CDH2: variants seen among roughly 807,000 people sequenced by gnomAD.
CDH2 encodes cadherin-2.
Under a neutral mutation model 92.0 loss-of-function variants are expected in CDH2, and 17 were observed. That is an observed-to-expected ratio of 0.18 (90% CI 0.13 to 0.28). The LOEUF is 0.28. CDH2 is among the 10% of genes least tolerant of loss of function. The probability of loss-of-function intolerance (pLI) is 1.00; values close to 1 mark genes in which losing one functional copy is unlikely to be tolerated. For missense variants in CDH2, 862 were observed against 1,133.1 expected, an observed-to-expected ratio of 0.76 and a Z score of 3.44; for synonymous variants, 419 against 415.9, an observed-to-expected ratio of 1.01 and a Z score of -0.09.
At position 28,175,906 on chromosome 18, in the gene CDH2, C is replaced by A. The variant is rs575360784; in HGVS notation, c.60+1057G>T. On this transcript the variant is annotated intron_variant, in intron 1 of 15. Transcript: ENST00000269141. ...GGCGGAGACCGACTTGGGACCAGGG[C>A]ACTGCACCCGCCCAGCTAGAGGGTC... Among the ~76,000 whole-genome samples, 703 of 152,302 alleles carry A rather than the reference C, an allele frequency of 4.6e-3. 6 individuals carry two copies. Among genetic ancestry groups the A allele is most frequent in the African/African-American group, 0.015 (643 of 41,582 alleles).
chr18:28,000,230 G>C (rs1479182036), intron 7 of CDH2, among the ~76,000 whole-genome samples: 1 of 152,058 alleles, frequency 6.6e-6, no homozygotes, highest in Non-Finnish European at 1.5e-5. Context: ...AGCCTCCCAA[G>C]TGGCTGGGAC....
intron 15 of CDH2, among the ~76,000 whole-genome samples, chr18:27,953,589 G>A (rs1224884004): frequency 6.6e-6 from 1 of 152,096 alleles, no homozygotes; most frequent in Non-Finnish European, 1.5e-5. Flanking sequence ...GGGTTTTTAT[G>A]AGCATGTGTT....
intron 2 of CDH2, among the ~76,000 whole-genome samples, chr18:28,135,251 C>T (rs1318351048): frequency 6.6e-6 from 1 of 152,158 alleles, no homozygotes; most frequent in Admixed American, 6.5e-5. Context: ...GGTAAAGTGT[C>T]TCTTACAAAT....
chr18:28,112,858 G>C (rs1469876934), intron 2 of CDH2, among the ~76,000 whole-genome samples: 3 of 152,126 alleles, frequency 2.0e-5, no homozygotes, highest in East Asian at 1.9e-4. Flanking sequence ...CTTTGCAAGA[G>C]TGTATCCTAA....
At chr18:27,969,165 C>A (rs2011599597) in intron 14 of CDH2, among the ~76,000 whole-genome samples, 1 of 152,154 alleles carries the variant, frequency 6.6e-6, no homozygotes, top group Non-Finnish European at 1.5e-5. Flanking sequence ...AGCCCCCCCA[C>A]CAACAAAAAA....
Position 28,003,106 on chromosome 18 carries a change from A to G in CDH2, c.911T>C (p.Leu304Ser). ...AGCCTGAGACACGATTCTGTACCTC[A>G]ACATCCCATTGAGGGCATTGGGATC... ...ADDPNALNGM[L>S]RYRIVSQAPS... Residue 304 changes from leucine (L) to serine (S), a missense_variant, in exon 7 of 16, where the codon TTG becomes TCG. Around this residue, in one of 5 missense-constraint regions of CDH2, gnomAD observed 564 missense variants for 722.2 expected, o/e 0.78. Transcript: ENST00000269141. 1.2e-6 allele frequency: 2 copies of G among 1,614,024 alleles called. No homozygotes were observed. Among genetic ancestry groups the G allele is most frequent in the Non-Finnish European group, 1.7e-6 (2 of 1,179,934 alleles).
intron 2 of CDH2, among the ~76,000 whole-genome samples, chr18:28,138,327 TTTAG>T: frequency 6.6e-6 from 1 of 152,088 alleles, no homozygotes; most frequent in Middle Eastern, 3.4e-3. Context: ...ACCCAGGAGT[TTTAG>T]TTAACCACAG....
chr18:28,138,409 A>G (rs534831673), intron 2 of CDH2, among the ~76,000 whole-genome samples: 1 of 152,218 alleles, frequency 6.6e-6, no homozygotes, highest in Admixed American at 6.5e-5. Flanking sequence ...CTGTACTAGA[A>G]GTCCCGCATC....
chr18:28,090,269 C>T (rs1377995787), intron 2 of CDH2, among the ~76,000 whole-genome samples: 2 of 152,140 alleles, frequency 1.3e-5, no homozygotes, highest in Non-Finnish European at 2.9e-5. Context: ...ATGTCTATTA[C>T]AGTAATCTCA....
At chr18:28,105,889 C>A (rs762773320) in intron 2 of CDH2, among the ~76,000 whole-genome samples, 1 of 152,150 alleles carries the variant, frequency 6.6e-6, no homozygotes, top group South Asian at 2.1e-4. Context: ...ATTTACCAGA[C>A]AAAAACCTCT....
At chr18:28,158,932 G>A (rs767230910) in intron 1 of CDH2, among the ~76,000 whole-genome samples, 1 of 152,102 alleles carries the variant, frequency 6.6e-6, no homozygotes, top group Admixed American at 6.6e-5. Context: ...CATACAAATT[G>A]TTATTTATGT....
chr18:28,121,950 C>T (rs559749398), intron 2 of CDH2, among the ~76,000 whole-genome samples: 7 of 152,066 alleles, frequency 4.6e-5, no homozygotes, highest in Non-Finnish European at 7.4e-5. Flanking sequence ...TGATTTCCTT[C>T]GGTAGAGAAA....
chr18:28,173,361 T>G (rs541250093), intron 1 of CDH2, among the ~76,000 whole-genome samples: 2 of 152,288 alleles, frequency 1.3e-5, no homozygotes, highest in South Asian at 4.1e-4. Context: ...CTGTGTCTAG[T>G]AAGTAAACTC....
At chr18:28,129,615 G>A (rs1378341804) in intron 2 of CDH2, among the ~76,000 whole-genome samples, 1 of 152,102 alleles carries the variant, frequency 6.6e-6, no homozygotes, top group African/African-American at 2.4e-5. Flanking sequence ...ATTGCTCCAG[G>A]CCAGGAGTTT....
intron 2 of CDH2, among the ~76,000 whole-genome samples, chr18:28,138,520 G>A (rs1364390544): frequency 2.0e-5 from 3 of 152,074 alleles, no homozygotes; most frequent in Non-Finnish European, 4.4e-5. Flanking sequence ...ATTTGAAAGA[G>A]AAGAGTAAAC....
rs539959712 is a variant in CDH2, at chr18:28,084,547, A to G, written c.172+63126T>C. On this transcript the variant is annotated intron_variant, in intron 2 of 15. Transcript: ENST00000269141. ...TAACACTGTTTCAAAGAAAGGGAAT[A>G]GTACTTGGAAGTAACATGCAGTGCA... 1.8e-4 allele frequency among the ~76,000 whole-genome samples: 28 copies of G among 152,074 alleles called. 1 individual carries two copies. The highest frequency in any genetic ancestry group is 1.0e-3 in the Admixed American group (16 of 15,244).
At chr18:27,934,616 G>A (rs528435237) in intron 6 of CDH2, among the ~76,000 whole-genome samples, 1 of 152,190 alleles carries the variant, frequency 6.6e-6, no homozygotes, top group South Asian at 2.1e-4. Flanking sequence ...TGTAAGCATT[G>A]AAACATCCTA....
At chr18:28,148,866 T>C (rs2016078601) in intron 1 of CDH2, among the ~76,000 whole-genome samples, 1 of 152,184 alleles carries the variant, frequency 6.6e-6, no homozygotes, top group Non-Finnish European at 1.5e-5. Context: ...AATACTAATG[T>C]TGCAAAAATC....
At chr18:27,988,430 G>A in intron 11 of CDH2, 94 bp downstream of exon 11, 1 of 1,057,772 alleles carries the variant, frequency 9.5e-7, no homozygotes, top group South Asian at 1.6e-5. Context: ...AGTTTTCCAG[G>A]CAATTGAGTT....
Sources: allele counts gnomAD v4.1 joint callset (sites outside exome capture counted in the v4.1 genomes callset), GRCh38; gene constraint gnomAD v4.1.1; regional missense constraint gnomAD v4.1.1; transcripts MANE v1.5; gene names NCBI Gene and HGNC (gene_info 2026-07-23, HGNC 2026-07-21).